The following LINC01488 variants were observed in gnomAD, a reference collection of about 807,000 sequenced individuals.
LINC01488 encodes the protein CCND1-upstream intergenic DNA repair 1.
chr11:69,483,814 GC>G (rs148777516), intron 1 of LINC01488, among the ~76,000 whole-genome samples: 1 of 151,758 alleles, frequency 6.6e-6, no homozygotes, highest in Non-Finnish European at 1.5e-5. Flanking sequence ...ATAAACCAAG[GC>G]CCGGGCCGGC....
At chr11:69,482,752 A>G (rs1590867654) in intron 1 of LINC01488, among the ~76,000 whole-genome samples, 1 of 152,256 alleles carries the variant, frequency 6.6e-6, no homozygotes, top group Admixed American at 6.5e-5. Flanking sequence ...GCTTACAAAC[A>G]GATGTTTCTT....
intron 1 of LINC01488, chr11:69,486,261 T>C (rs1288669547): frequency 6.6e-6 from 1 of 152,282 alleles, no homozygotes; most frequent in African/African-American, 2.4e-5. Context: ...GAAGAAATCC[T>C]GCCCGTGGAG....
intron 1 of LINC01488, among the ~76,000 whole-genome samples, chr11:69,485,297 C>T (rs1163775975): frequency 6.6e-6 from 1 of 152,192 alleles, no homozygotes; most frequent in African/African-American, 2.4e-5. Context: ...CTTCTCATCC[C>T]CTCTCAGTCG....
exon 4 of LINC01488, chr11:69,492,312 CAA>C (rs753080147): frequency 6.6e-6 from 1 of 152,158 alleles, no homozygotes; most frequent in East Asian, 1.9e-4. Context: ...GTGCCTCCCG[CAA>C]AGATGCCCCA....
At chr11:69,486,900 A>G (rs1857130688) in intron 1 of LINC01488, among the ~76,000 whole-genome samples, 1 of 152,124 alleles carries the variant, frequency 6.6e-6, no homozygotes, top group Non-Finnish European at 1.5e-5. Context: ...GGAAATGTGG[A>G]TGTCAGCTCT....
In LINC01488 at chr11:69,483,342, T is replaced by G. The variant is rs1472821005; in HGVS notation, n.122+1559T>G. On this transcript the variant is annotated intron_variant and non_coding_transcript_variant, in intron 1 of 3. Transcript: ENST00000644563. The stretch of plus-strand genomic sequence containing the variant: ...GGGGTGGAATTCCACTTCCTCCACT[T>G]ATCAGCTGTGTGTCTTTGGGCCTCT... 4.6e-5 allele frequency among the ~76,000 whole-genome samples: 7 copies of G among 152,330 alleles called. No individual in the cohort carries two copies. In the East Asian group the frequency reaches 1.3e-3, roughly 29 times the overall value.
rs528955320 is a variant in LINC01488, at chr11:69,484,954, G to A, written n.122+3171G>A. On this transcript the variant is annotated intron_variant and non_coding_transcript_variant, in intron 1 of 3. Transcript: ENST00000644563. ...GTGATTTACAATGGTTTGTGTCCTGGTCTTATCTGCTACTGCTGACCAGTA... is the reference window on the plus strand; with the variant it reads ...GTGATTTACAATGGTTTGTGTCCTGATCTTATCTGCTACTGCTGACCAGTA... 1.5e-3 allele frequency among the ~76,000 whole-genome samples: 228 copies of A among 152,306 alleles called. 1 individual carries two copies. Among genetic ancestry groups the A allele is most frequent in the African/African-American group, 2.4e-3 (99 of 41,546 alleles).
intron 3 of LINC01488, chr11:69,491,952 C>T (rs982088059): frequency 6.5e-5 from 10 of 152,912 alleles, no homozygotes; most frequent in South Asian, 2.1e-4. Context: ...GCAAAGGCCC[C>T]GAGGCAGGAG....
chr11:69,488,542 C>T (rs1857161847), intron 1 of LINC01488, among the ~76,000 whole-genome samples: 1 of 152,246 alleles, frequency 6.6e-6, no homozygotes, highest in African/African-American at 2.4e-5. Flanking sequence ...GAAAAGGCGC[C>T]TTTGTCAAAC....
At chr11:69,489,568 G>GTATTCTTGTT (rs1857183409) in intron 1 of LINC01488, among the ~76,000 whole-genome samples, 2 of 152,264 alleles carry the variant, frequency 1.3e-5, no homozygotes, top group Admixed American at 1.3e-4. Flanking sequence ...GGCTTGTTAA[G>GTATTCTTGTT]AATAGCCTGG....
At chr11:69,486,685 G>T (rs1190581197) in intron 1 of LINC01488, among the ~76,000 whole-genome samples, 1 of 152,172 alleles carries the variant, frequency 6.6e-6, no homozygotes, top group Admixed American at 6.5e-5. Context: ...GACAGGGGAG[G>T]AGCCTCTCCC....
chr11:69,491,932 A>G, intron 3 of LINC01488: 1 of 153,474 alleles, frequency 6.5e-6, no homozygotes, highest in Non-Finnish European at 1.5e-5. Context: ...AGGAGGCGGG[A>G]GCGGCCAGTG....
intron 1 of LINC01488, among the ~76,000 whole-genome samples, chr11:69,489,331 C>T (rs778129457): frequency 1.3e-5 from 2 of 152,248 alleles, no homozygotes; most frequent in African/African-American, 2.4e-5. Flanking sequence ...TTTCCTTCTG[C>T]CTCCCTGGAC....
intron 3 of LINC01488, chr11:69,491,826 T>TG (rs1857226683): frequency 2.0e-5 from 3 of 152,398 alleles, no homozygotes; most frequent in Admixed American, 2.0e-4. Flanking sequence ...CAAGAGGGCG[T>TG]TGGGGTCTGC....
intron 2 of LINC01488, chr11:69,490,803 C>T (rs56408035): frequency 0.053 from 8,041 of 152,316 alleles, 680 homozygotes; most frequent in East Asian, 0.41. Flanking sequence ...GCACAGCAGG[C>T]GCTCAGCAGT....
At chr11:69,490,409 T>C (rs1857201639) in intron 1 of LINC01488, 1 of 152,302 alleles carries the variant, frequency 6.6e-6, no homozygotes, top group Non-Finnish European at 1.5e-5. Context: ...CATCCAGTTC[T>C]TCTTGACTCT....
chr11:69,483,314 C>G (rs372757632), intron 1 of LINC01488, among the ~76,000 whole-genome samples: 1 of 152,182 alleles, frequency 6.6e-6, no homozygotes, highest in Non-Finnish European at 1.5e-5. Context: ...ACAGGTGGAG[C>G]CTGGGGTGGA....
chr11:69,482,617 G>A (rs1332061506), intron 1 of LINC01488, among the ~76,000 whole-genome samples: 1 of 152,200 alleles, frequency 6.6e-6, no homozygotes, highest in South Asian at 2.1e-4. Flanking sequence ...GTGGATGGAT[G>A]GGTAAATGGA....
intron 1 of LINC01488, among the ~76,000 whole-genome samples, chr11:69,484,677 T>C (rs1427642620): frequency 6.6e-6 from 1 of 152,204 alleles, no homozygotes; most frequent in Non-Finnish European, 1.5e-5. Context: ...GGGCCGGCCC[T>C]GTGTCGCGCT....
Sources: gnomAD v4.1 joint callset for allele counts (sites outside exome capture counted in the v4.1 genomes callset) on GRCh38, gnomAD v4.1.1 for gene constraint, MANE v1.5 for transcripts, NCBI Gene and HGNC (gene_info 2026-07-23, HGNC 2026-07-21) for gene names.